Variants in PARD3B observed in about 807,000 individuals in gnomAD.
PARD3B encodes the protein par-3 family cell polarity regulator beta, also known as partitioning defective 3 homolog B.
PARD3B carries 103 observed loss-of-function variants against 130.2 expected under a neutral mutation model. The observed-to-expected ratio is 0.79, with a 90% CI of 0.67 to 0.93. The LOEUF (loss-of-function observed/expected upper bound fraction) is 0.93. Ranked by LOEUF, PARD3B falls within the 40% of genes least tolerant of loss-of-function variation. The pLI, the probability that PARD3B is intolerant of heterozygous loss-of-function variation, is 0.00. For missense variants in PARD3B, 1,609 were observed against 1,499.2 expected (o/e 1.07, Z -1.21); for synonymous variants, 583 against 553.2 (o/e 1.05, Z -0.76).
intron 20 of PARD3B, among the ~76,000 whole-genome samples, chr2:205,474,180 A>T (rs891942539): frequency 1.3e-5 from 2 of 152,062 alleles, no homozygotes; most frequent in African/African-American, 4.8e-5. Flanking sequence ...TTTATTATTT[A>T]AAGATATACT....
intron 18 of PARD3B, among the ~76,000 whole-genome samples, chr2:205,313,979 T>C (rs926534247): frequency 6.6e-6 from 1 of 152,218 alleles, no homozygotes; most frequent in Non-Finnish European, 1.5e-5. Flanking sequence ...AAATAACTAA[T>C]AAAATATATT....
chr2:204,673,167 T>C lies in PARD3B; in HGVS notation c.121-13014T>C, dbSNP rs1422196289. 6.6e-6 allele frequency among the ~76,000 whole-genome samples: 1 copy of C among 152,184 alleles called. No homozygotes were observed. The highest frequency in any genetic ancestry group is 2.4e-5 in the African/African-American group (1 of 41,446). The stretch of plus-strand genomic sequence containing the variant: ...GGAGTATGCTGAATTATCCTATTTA[T>C]GTGGCACATGCCCAGCCAATCCTGC... On this transcript the variant is annotated intron_variant, in intron 1 of 22. Transcript: ENST00000406610. This position sits in a 1 kb window ranked among gnomAD's most constrained non-coding sequence, Gnocchi z 4.7.
chr2:204,572,711 G>T (rs2032065525), intron 1 of PARD3B, among the ~76,000 whole-genome samples: 1 of 152,146 alleles, frequency 6.6e-6, no homozygotes, highest in African/African-American at 2.4e-5. Context: ...CTAGACAGCT[G>T]TGTAAATTTT....
chr2:204,960,649 A>G (rs1164542445), intron 2 of PARD3B, among the ~76,000 whole-genome samples: 1 of 152,154 alleles, frequency 6.6e-6, no homozygotes, highest in Non-Finnish European at 1.5e-5. Flanking sequence ...TGTTTGCCTC[A>G]TATTTCACTA....
At chr2:205,400,711 C>G (rs1479487769) in intron 18 of PARD3B, among the ~76,000 whole-genome samples, 1 of 151,668 alleles carries the variant, frequency 6.6e-6, no homozygotes, top group Non-Finnish European at 1.5e-5. Context: ...AATCACAAAA[C>G]AAGCTGATGT....
intron 1 of PARD3B, among the ~76,000 whole-genome samples, chr2:204,600,778 T>C (rs2125104964): frequency 6.6e-6 from 1 of 152,032 alleles, no homozygotes; most frequent in East Asian, 1.9e-4. Flanking sequence ...ACCTGTATTC[T>C]TTCCATCATT....
intron 1 of PARD3B, among the ~76,000 whole-genome samples, chr2:204,645,669 A>G (rs1274769104): frequency 2.0e-5 from 3 of 152,064 alleles, no homozygotes; most frequent in South Asian, 4.1e-4. Context: ...AGTACTTTCT[A>G]CCTAAGTATT....
Position 205,113,526 on chromosome 2 carries a change from G to A in PARD3B, c.629G>A (p.Gly210Glu). 1 of 1,613,410 alleles carries A rather than the reference G, an allele frequency of 6.2e-7. No homozygotes were observed. The highest frequency in any genetic ancestry group is 8.5e-7 in the Non-Finnish European group (1 of 1,179,636). ...MTRTVEISGE[G>E]GPLGIHVVPF... ...AGAACAGTGGAGATTTCTGGGGAAG[G>A]AGGCCCATTGGGAATACATGTAGTG... Residue 210 changes from glycine to glutamate, a missense_variant, in exon 6 of 23, where the codon GGA becomes GAA. Gly to Glu is a moderately conservative substitution (Grantham distance 98). Coordinates refer to ENST00000406610, the MANE Select transcript of PARD3B (RefSeq NM_001302769.2).
chr2:205,535,657 T>C (rs2051817822), intron 21 of PARD3B, among the ~76,000 whole-genome samples: 1 of 152,192 alleles, frequency 6.6e-6, no homozygotes, highest in South Asian at 2.1e-4. Flanking sequence ...GAAGACATTA[T>C]CCAGTAAAAG....
intron 2 of PARD3B, among the ~76,000 whole-genome samples, chr2:204,821,968 A>G (rs1188412207): frequency 6.6e-6 from 1 of 152,218 alleles, no homozygotes; most frequent in Non-Finnish European, 1.5e-5. Flanking sequence ...GATCAGCAGT[A>G]ATTTTGACTT....
intron 4 of PARD3B, among the ~76,000 whole-genome samples, chr2:205,052,432 TATATATATATATATATATAA>T (rs1323246135): frequency 1.3e-4 from 3 of 23,952 alleles, no homozygotes; most frequent in East Asian, 1.5e-3. Context: ...TATATATATA[TATATATATATATATATATAA>T]AATTAAAAAA....
chr2:205,602,081 A>G (rs1391084093), intron 22 of PARD3B, among the ~76,000 whole-genome samples: 3 of 152,226 alleles, frequency 2.0e-5, no homozygotes, highest in African/African-American at 7.2e-5. Flanking sequence ...AGTTTTGAAC[A>G]TGAAAGAATG....
chr2:204,923,335 C>T (rs1316064403), intron 2 of PARD3B, among the ~76,000 whole-genome samples: 3 of 151,760 alleles, frequency 2.0e-5, no homozygotes, highest in Non-Finnish European at 4.4e-5. Context: ...TTTTGAAGGA[C>T]TGAAAAATTT....
At chr2:204,577,922 G>T (rs2032353491) in intron 1 of PARD3B, among the ~76,000 whole-genome samples, 1 of 152,136 alleles carries the variant, frequency 6.6e-6, no homozygotes, top group South Asian at 2.1e-4. Context: ...ATTTAGATCA[G>T]TGGCCCTCGT....
chr2:205,290,601 A>C (rs2041572059), intron 16 of PARD3B, among the ~76,000 whole-genome samples: 1 of 152,220 alleles, frequency 6.6e-6, no homozygotes, highest in Admixed American at 6.5e-5. Context: ...CCCTCAATTC[A>C]CCATAGAGAA....
chr2:205,411,393 G>C (rs1464756576), intron 19 of PARD3B, among the ~76,000 whole-genome samples: 4 of 152,124 alleles, frequency 2.6e-5, no homozygotes, highest in Non-Finnish European at 5.9e-5. Context: ...AGAGATGCAT[G>C]GCCAAATGGA....
chr2:205,597,200 C>T (rs1292662503), intron 22 of PARD3B, among the ~76,000 whole-genome samples: 1 of 152,030 alleles, frequency 6.6e-6, no homozygotes, highest in East Asian at 1.9e-4. Flanking sequence ...TCTTGTAGTC[C>T]CCAGAGCCTA....
chr2:204,566,874 T>C (rs2031700571), intron 1 of PARD3B, among the ~76,000 whole-genome samples: 1 of 150,702 alleles, frequency 6.6e-6, no homozygotes, highest in Non-Finnish European at 1.5e-5. Flanking sequence ...GCAGGCTTTC[T>C]AAACCTCTTT....
chr2:204,889,849 T>C (rs1575224231), intron 2 of PARD3B, among the ~76,000 whole-genome samples: 1 of 147,956 alleles, frequency 6.8e-6, no homozygotes, highest in East Asian at 2.0e-4. Flanking sequence ...GTTAGGACTC[T>C]TCCAGAGTAA....
Sources: gnomAD v4.1 joint callset for allele counts (sites outside exome capture counted in the v4.1 genomes callset) on GRCh38, gnomAD v4.1.1 for gene constraint, Gnocchi (gnomAD v3.1) non-coding constraint, MANE v1.5 for transcripts, NCBI Gene and HGNC (gene_info 2026-07-23, HGNC 2026-07-21) for gene names.